Variants in MMP12 observed in about 807,000 individuals in gnomAD.
MMP12 encodes macrophage metalloelastase.
In MMP12, 51 loss-of-function variants were observed where a neutral mutation model predicts 45.2. The ratio of observed to expected loss-of-function variants is 1.13; its 90% CI spans 0.90 to 1.42. The LOEUF (loss-of-function observed/expected upper bound fraction) is 1.42. Ranked by LOEUF, MMP12 falls within the 40% of genes most tolerant of loss-of-function variation. The probability of loss-of-function intolerance (pLI) is 0.00; values close to 1 mark genes in which losing one functional copy is unlikely to be tolerated. For synonymous variants in MMP12, 210 were observed against 193.3 expected (o/e 1.09, Z -0.72); for missense variants, 530 against 570.8 (o/e 0.93, Z 0.73).
chr11:102,874,878 G>A lies in MMP12; in HGVS notation c.60C>T (p.Asn20=). The change falls in exon 1 of 10, where the codon AAC becomes AAT. Residue 20 remains asparagine, a synonymous_variant. Transcript: ENST00000571244. ...TATTTTTTTCCAGGCTTGTAGAGCT[G>A]TTCAGGGGAAGAGCTCCAGAAGCAG... ...QATASGALPL[N]SSTSLEKNNV... 1 of 1,607,494 alleles carries A rather than the reference G, an allele frequency of 6.2e-7. No individual in the cohort carries two copies. The highest frequency in any genetic ancestry group is 8.5e-7 in the Non-Finnish European group (1 of 1,176,770).
intron 6 of MMP12, 127 bp from the exon 7 acceptor site, chr11:102,866,575 G>T: frequency 1.1e-6 from 1 of 921,980 alleles, no homozygotes; most frequent in African/African-American, 1.7e-5. Context: ...CTGTTCCATG[G>T]ATGTCTGATG....
chr11:102,866,081 T>C, intron 7 of MMP12, 146 bp from the exon 8 acceptor site: 1 of 885,294 alleles, frequency 1.1e-6, no homozygotes, highest in Middle Eastern at 3.6e-4. Context: ...TTTTCTATGG[T>C]TCCCATGGTT....
chr11:102,867,918 C>G lies in MMP12; in HGVS notation c.777G>C (p.Gln259His), dbSNP rs782257744. The G allele has an allele frequency of 6.2e-7, 1 of 1,609,364 alleles. No homozygotes were observed. The highest frequency in any genetic ancestry group is 1.7e-5 in the Admixed American group (1 of 59,376). ...AAGAATTCAACTCACCATACAGGGA[C>G]TGAATGCCACGTATGTCATCAGCAG... ...RLSADDIRGIQSLYGDPKENQ... is the reference protein window; with the variant it reads ...RLSADDIRGIHSLYGDPKENQ... Residue 259 changes from glutamine (Q) to histidine (H), a missense_variant, in exon 5 of 10, where the codon CAG becomes CAC. Transcript: ENST00000571244.
intron 5 of MMP12, 89 bp downstream of exon 5, chr11:102,867,819 A>G: frequency 7.4e-7 from 1 of 1,355,910 alleles, no homozygotes; most frequent in Admixed American, 2.2e-5. Flanking sequence ...AAAGACAGAT[A>G]TTAACGTTTT....
chr11:102,868,733 G>C (rs751637470), intron 4 of MMP12, among the ~76,000 whole-genome samples: 1 of 152,092 alleles, frequency 6.6e-6, no homozygotes, highest in African/African-American at 2.4e-5. Context: ...TTAAGTGCTT[G>C]AGCCAAGATT....
At position 102,871,962 on chromosome 11, in the gene MMP12, CA is replaced by C. The variant is rs1357534522; in HGVS notation, c.351-11del. The C allele has an allele frequency of 3.8e-6, 6 of 1,590,398 alleles. No individual in the cohort carries two copies. The highest frequency in any genetic ancestry group is 4.3e-6 in the Non-Finnish European group (5 of 1,171,180). ...TGTGTAATTATTGATTCTTTATCAG[CA>C]AAAAGAGAGAGAAAAATGTATGGAA... On this transcript the variant is annotated splice_polypyrimidine_tract_variant and intron_variant, in intron 2 of 9. Coordinates refer to ENST00000571244, the MANE Select transcript of MMP12 (RefSeq NM_002426.6).
At chr11:102,873,167 G>T (rs1041515259) in intron 1 of MMP12, 55 bp from the exon 2 acceptor site, 17 of 1,522,950 alleles carry the variant, frequency 1.1e-5, no homozygotes, top group Non-Finnish European at 1.4e-5. Flanking sequence ...AATTTCTGTT[G>T]GGAGCTCCAC....
At chr11:102,871,325 G>A (rs1591121085) in intron 4 of MMP12, among the ~76,000 whole-genome samples, 1 of 152,050 alleles carries the variant, frequency 6.6e-6, no homozygotes, top group African/African-American at 2.4e-5. Context: ...CTAGCTCATA[G>A]TTCATAGCAT....
At position 102,866,412 on chromosome 11, in the gene MMP12, G is replaced by C; in HGVS notation, c.948C>G (p.Thr316=). Residue 316 remains threonine (T), a synonymous_variant, in exon 7 of 10, where the codon ACC becomes ACG. Coordinates refer to ENST00000571244, the MANE Select transcript of MMP12 (RefSeq NM_002426.6). ...ATAAGGAAGAAATTAAATTAACACT[G>C]GTCTTTGGTCTCTCAGAAACCTTCA... ...FWLKVSERPK[T]SVNLISSLWP... 2 of 1,609,928 alleles carry C rather than the reference G, an allele frequency of 1.2e-6. No individual in the cohort carries two copies. Among genetic ancestry groups the C allele is most frequent in the African/African-American group, 1.3e-5 (1 of 74,984 alleles).
chr11:102,867,953 A>C lies in MMP12; in HGVS notation c.742T>G (p.Phe248Val). The change falls in exon 5 of 10, where the codon TTT becomes GTT. Residue 248 changes from phenylalanine (F) to valine (V), a missense_variant. Phe to Val is a conservative substitution (Grantham distance 50). Coordinates refer to ENST00000571244, the MANE Select transcript of MMP12 (RefSeq NM_002426.6). ...PTYKYVDINT[F>V]RLSADDIRGI... ...CGTATGTCATCAGCAGAGAGGCGAA[A>C]TGTGTTGATGTCAACATATTTGTAG... The C allele has an allele frequency of 1.2e-6, 2 of 1,610,182 alleles. No individual in the cohort carries two copies. The highest frequency in any genetic ancestry group is 1.7e-6 in the Non-Finnish European group (2 of 1,178,384).
chr11:102,874,886 G>C lies in MMP12; in HGVS notation c.52C>G (p.Pro18Ala), dbSNP rs782311302. The change falls in exon 1 of 10, where the codon CCC becomes GCC. Residue 18 changes from proline (P) to alanine (A), a missense_variant. By Grantham distance (27) the Pro-to-Ala change is conservative. Coordinates refer to ENST00000571244, the MANE Select transcript of MMP12 (RefSeq NM_002426.6). ...TCCAGGCTTGTAGAGCTGTTCAGGG[G>C]AAGAGCTCCAGAAGCAGTGGCCTGC... is the stretch of plus-strand genomic sequence containing the variant. ...LLQATASGAL[P>A]LNSSTSLEKN... The C allele has an allele frequency of 1.2e-6, 2 of 1,607,464 alleles. No individual in the cohort carries two copies. The highest frequency in any genetic ancestry group is 3.4e-5 in the Admixed American group (2 of 59,200).
chr11:102,866,259 CAATT>C (rs2134418424), intron 7 of MMP12, 52 bp downstream of exon 7: 2 of 1,470,126 alleles, frequency 1.4e-6, no homozygotes, highest in Non-Finnish European at 1.8e-6. Context: ...AGTCTCTTCT[CAATT>C]TATTCTCTTC....
At chr11:102,864,616 A>G (rs1167732053) in intron 8 of MMP12, among the ~76,000 whole-genome samples, 6 of 152,084 alleles carry the variant, frequency 3.9e-5, no homozygotes, top group Non-Finnish European at 8.8e-5. Flanking sequence ...AAAAATACCC[A>G]TTTCCCCCAA....
intron 4 of MMP12, among the ~76,000 whole-genome samples, chr11:102,870,594 A>G (rs1376568935): frequency 6.6e-6 from 1 of 152,208 alleles, no homozygotes; most frequent in African/African-American, 2.4e-5. Flanking sequence ...AAAAATTAAG[A>G]AGGCTTCTGT....
intron 9 of MMP12, 126 bp from the exon 10 acceptor site, chr11:102,863,326 C>T (rs1859326237): frequency 1.9e-6 from 1 of 537,120 alleles, no homozygotes; most frequent in South Asian, 3.0e-5. Context: ...GGTTCATGCC[C>T]TTAACTACAC....
chr11:102,867,535 G>T (rs1394455287), intron 5 of MMP12, 142 bp from the exon 6 acceptor site: 3 of 893,850 alleles, frequency 3.4e-6, no homozygotes, highest in East Asian at 2.8e-5. Flanking sequence ...TTCACAGGAA[G>T]TATAAAGTAA....
At chr11:102,867,832 C>T (rs1268788057) in intron 5 of MMP12, 76 bp downstream of exon 5, 1 of 1,433,064 alleles carries the variant, frequency 7.0e-7, no homozygotes, top group Admixed American at 2.1e-5. Context: ...AACGTTTTAT[C>T]CAAATATAGA....
In MMP12 at chr11:102,868,075, A is replaced by G. The variant is rs781805719; in HGVS notation, c.626-6T>C. ...AGTGAGGAACAAGTTTGTGCCTAAG[A>G]AGAAACCAACCAAAAGACAGCTGTG... On this transcript the variant is annotated splice_polypyrimidine_tract_variant and splice_region_variant and intron_variant, in intron 4 of 9. Transcript: ENST00000571244. 6.3e-7 allele frequency: 1 copy of G among 1,588,770 alleles called. No individual in the cohort carries two copies. Among genetic ancestry groups the G allele is most frequent in the Admixed American group, 1.8e-5 (1 of 56,180 alleles).
intron 4 of MMP12, among the ~76,000 whole-genome samples, chr11:102,869,723 C>T (rs1295388995): frequency 6.8e-6 from 1 of 147,840 alleles, no homozygotes; most frequent in Non-Finnish European, 1.5e-5. Flanking sequence ...GCAGCCTGGC[C>T]AACATGGTGA....
Sources: gnomAD v4.1 joint callset for allele counts (sites outside exome capture counted in the v4.1 genomes callset) on GRCh38, gnomAD v4.1.1 for gene constraint, MANE v1.5 for transcripts, NCBI Gene and HGNC (gene_info 2026-07-23, HGNC 2026-07-21) for gene names.